Variants in TRAPPC8 observed in about 807,000 individuals in gnomAD.
The protein encoded by TRAPPC8 is trafficking protein particle complex subunit 8, also known as general sporulation gene 1 homolog.
A neutral mutation model predicts 174.3 loss-of-function variants in TRAPPC8; 54 were observed. That is an observed-to-expected ratio of 0.31 (90% CI 0.25 to 0.39). The LOEUF is 0.39. Among genes scored for constraint, TRAPPC8 ranks in the 10% least tolerant of loss-of-function variants. The probability of loss-of-function intolerance (pLI) is 1.00; values close to 1 mark genes in which losing one functional copy is unlikely to be tolerated. For missense variants in TRAPPC8, 1,531 were observed against 1,699.1 expected, an observed-to-expected ratio of 0.90 and a Z score of 1.74; for synonymous variants, 630 against 579.9, an observed-to-expected ratio of 1.09 and a Z score of -1.24.
intron 9 of TRAPPC8, among the ~76,000 whole-genome samples, chr18:31,903,312 T>G (rs532200374): frequency 6.6e-6 from 1 of 152,186 alleles, no homozygotes; most frequent in Non-Finnish European, 1.5e-5. Flanking sequence ...GACAGTAATA[T>G]AAGTAATACA....
At chr18:31,930,922 T>C (rs1195904775) in intron 2 of TRAPPC8, among the ~76,000 whole-genome samples, 1 of 152,112 alleles carries the variant, frequency 6.6e-6, no homozygotes, top group African/African-American at 2.4e-5. Flanking sequence ...TACCTACCAA[T>C]CTTGTTATGA....
Position 31,912,019 on chromosome 18 carries a change from A to G in TRAPPC8, c.771+1350T>C, listed in dbSNP as rs1419230481. On this transcript the variant is annotated intron_variant, in intron 5 of 28. Transcript: ENST00000283351. ...CTGACAAAACATCAAACGCCCATCA[A>G]CTTAAGCCAATAGGACAATCAATCT... Among the ~76,000 whole-genome samples the G allele has an allele frequency of 2.0e-5, 3 of 152,280 alleles. No individual in the cohort carries two copies. The East Asian group carries it at 5.8e-4, about 29-fold the overall frequency.
Position 31,859,893 on chromosome 18 carries a change from G to A in TRAPPC8, c.2746-1911C>T, listed in dbSNP as rs150434241. 2.3e-3 allele frequency among the ~76,000 whole-genome samples: 344 copies of A among 152,130 alleles called. 1 individual carries two copies. The highest frequency in any genetic ancestry group is 6.6e-3 in the African/African-American group (276 of 41,516). On this transcript the variant is annotated intron_variant, in intron 19 of 28. Coordinates refer to ENST00000283351, the MANE Select transcript of TRAPPC8 (RefSeq NM_014939.5). The stretch of plus-strand genomic sequence containing the variant: ...TAGCCAGGCATGGTGGTGCGCACCT[G>A]TAATCCCAGCTACTCAGGAGGCTAA...
chr18:31,854,965 C>CAAAAAAA (rs71175798), intron 21 of TRAPPC8, among the ~76,000 whole-genome samples: 2 of 45,652 alleles, frequency 4.4e-5, no homozygotes, highest in African/African-American at 9.6e-5. Context: ...GACTCCATCT[C>CAAAAAAA]AAAAAAAAAA....
intron 21 of TRAPPC8, among the ~76,000 whole-genome samples, chr18:31,854,968 A>AC (rs2033920804): frequency 6.8e-6 from 1 of 148,050 alleles, no homozygotes; most frequent in African/African-American, 2.5e-5. Context: ...TCCATCTCAA[A>AC]AAAAAAAAAA....
Position 31,908,815 on chromosome 18 carries a change from T to A in TRAPPC8, c.1061A>T (p.Glu354Val). 6.2e-7 allele frequency: 1 copy of A among 1,613,448 alleles called. No individual in the cohort carries two copies. Among genetic ancestry groups the A allele is most frequent in the Non-Finnish European group, 8.5e-7 (1 of 1,179,550 alleles). Reference sequence around the variant, plus strand: ...TGGCAAAAGGCCCCGAAATGTGAACTCTTGTATAAACTGTCGAATTCTATC... The same window carrying A: ...TGGCAAAAGGCCCCGAAATGTGAACACTTGTATAAACTGTCGAATTCTATC... ...DHDRIRQFIQ[E>V]FTFRGLLPHI... The change falls in exon 7 of 29, where the codon GAG becomes GTG. Residue 354 changes from glutamate to valine, a missense_variant. Glu to Val is a moderately radical substitution (Grantham distance 121). Coordinates refer to ENST00000283351, the MANE Select transcript of TRAPPC8 (RefSeq NM_014939.5).
At chr18:31,884,861 T>G (rs1052535477) in intron 12 of TRAPPC8, among the ~76,000 whole-genome samples, 26 of 151,362 alleles carry the variant, frequency 1.7e-4, no homozygotes, top group African/African-American at 6.1e-4. Context: ...TAAGTTTTTT[T>G]TTTTTTTTTT....
chr18:31,845,807 G>A (rs118159464), intron 26 of TRAPPC8, among the ~76,000 whole-genome samples: 2,744 of 152,140 alleles, frequency 0.018, 29 homozygotes, highest in East Asian at 0.052. Context: ...AATGGAGGTG[G>A]GGCCCTGAAA....
Position 31,870,985 on chromosome 18 carries a change from G to A in TRAPPC8, c.2198C>T (p.Thr733Ile), listed in dbSNP as rs2034828432. The A allele has an allele frequency of 6.2e-7, 1 of 1,610,636 alleles. No homozygotes were observed. The highest frequency in any genetic ancestry group is 1.7e-5 in the Admixed American group (1 of 59,810). Residue 733 changes from threonine to isoleucine, a missense_variant, in exon 15 of 29, where the codon ACA becomes ATA. Thr to Ile is a moderately conservative substitution (Grantham distance 89). Transcript: ENST00000283351. ...TGAGTAACTGTTCAAACAGTATTGTGTGGGATGAAAATTGGATGGAATTAC... is the reference window on the plus strand; with the variant it reads ...TGAGTAACTGTTCAAACAGTATTGTATGGGATGAAAATTGGATGGAATTAC... ...KGVIPSNFHP[T>I]QYCLNSYSDN...
intron 18 of TRAPPC8, among the ~76,000 whole-genome samples, chr18:31,866,061 T>C (rs1161843739): frequency 6.6e-6 from 1 of 152,052 alleles, no homozygotes; most frequent in African/African-American, 2.4e-5. Context: ...TTTCCAAGTG[T>C]TCCCACTTTC....
At chr18:31,933,318 AAAG>A (rs965911800) in intron 1 of TRAPPC8, among the ~76,000 whole-genome samples, 3 of 148,294 alleles carry the variant, frequency 2.0e-5, no homozygotes, top group South Asian at 2.3e-4. Context: ...AAAAAAAAAA[AAAG>A]GAGTCCATTA....
At chr18:31,910,222 T>C (rs2145494392) in intron 5 of TRAPPC8, among the ~76,000 whole-genome samples, 1 of 152,200 alleles carries the variant, frequency 6.6e-6, no homozygotes, top group East Asian at 1.9e-4. Flanking sequence ...CTGAAGTGTT[T>C]TAGAAAAATA....
chr18:31,876,879 C>G (rs1024234456), intron 12 of TRAPPC8, among the ~76,000 whole-genome samples: 2 of 152,292 alleles, frequency 1.3e-5, no homozygotes, highest in South Asian at 4.1e-4. Flanking sequence ...CACAGGCATG[C>G]CCGCCCTCCT....
intron 12 of TRAPPC8, among the ~76,000 whole-genome samples, chr18:31,885,617 G>C (rs1351637904): frequency 6.6e-6 from 1 of 152,016 alleles, no homozygotes; most frequent in Non-Finnish European, 1.5e-5. Context: ...CCAGCACTTT[G>C]GGAAGCCGAG....
intron 1 of TRAPPC8, among the ~76,000 whole-genome samples, chr18:31,941,353 G>C (rs2038334111): frequency 1.3e-5 from 2 of 152,224 alleles, no homozygotes; most frequent in Admixed American, 1.3e-4. Flanking sequence ...TGAGGCAGGA[G>C]AATCGCTTGA....
At position 31,849,681 on chromosome 18, in the gene TRAPPC8, A is replaced by G. The variant is rs2033605673; in HGVS notation, c.3620T>C (p.Leu1207Ser). 2 of 1,611,914 alleles carry G rather than the reference A, an allele frequency of 1.2e-6. No homozygotes were observed. The highest frequency in any genetic ancestry group is 2.7e-5 in the African/African-American group (2 of 74,840). Residue 1207 changes from leucine (L) to serine (S), a missense_variant, in exon 25 of 29, where the codon TTG (leucine) becomes TCG (serine). Transcript: ENST00000283351. ...AGGCAAGTGAGCTTGTGGTTTTTTC[A>G]ATTCAGAAGATAAACTTCGATAAAA... ...DFFYRSLSSE[L>S]KKPQAHLPVH...
At chr18:31,910,331 T>C (rs1424211731) in intron 5 of TRAPPC8, among the ~76,000 whole-genome samples, 2 of 152,118 alleles carry the variant, frequency 1.3e-5, no homozygotes, top group Admixed American at 6.6e-5. Context: ...GACCAGTAAA[T>C]ATGATGTATT....
intron 11 of TRAPPC8, chr18:31,891,289 G>C (rs576804270): frequency 1.3e-5 from 2 of 152,364 alleles, no homozygotes; most frequent in Admixed American, 1.3e-4. Flanking sequence ...ATCCACCCAA[G>C]AAAACATGTA....
intron 24 of TRAPPC8, among the ~76,000 whole-genome samples, chr18:31,851,035 C>A (rs144843321): frequency 6.6e-6 from 1 of 152,268 alleles, no homozygotes; most frequent in African/African-American, 2.4e-5. Flanking sequence ...TTCTAAATAG[C>A]TGTTTCCTCA....
Sources: allele counts gnomAD v4.1 joint callset (sites outside exome capture counted in the v4.1 genomes callset), GRCh38; gene constraint gnomAD v4.1.1; transcripts MANE v1.5; gene names NCBI Gene and HGNC (gene_info 2026-07-23, HGNC 2026-07-21).